SV2C: variants seen among roughly 807,000 people sequenced by gnomAD.
The protein encoded by SV2C is solute carrier family 22 member B3.
SV2C carries 49 observed loss-of-function variants against 79.7 expected under a neutral mutation model. The observed-to-expected ratio is 0.61, with a 90% CI of 0.49 to 0.78. The LOEUF (loss-of-function observed/expected upper bound fraction) is 0.78, where lower values mean the gene tolerates loss of function less well. Among genes scored for constraint, SV2C ranks in the 30% least tolerant of loss-of-function variants. The probability of loss-of-function intolerance (pLI) is 0.00; values close to 1 mark genes in which losing one functional copy is unlikely to be tolerated. For missense variants in SV2C, 833 were observed against 912.9 expected (o/e 0.91, Z 1.13); for synonymous variants, 334 against 333.2 (o/e 1.00, Z -0.03).
chr5:76,015,532 C>T, the SV2C span, among the ~76,000 whole-genome samples: 1 of 152,112 alleles, frequency 6.6e-6, no homozygotes, highest in Non-Finnish European at 1.5e-5. Context: ...GTAAACATTA[C>T]AATGGCCAAT....
intron 2 of SV2C, among the ~76,000 whole-genome samples, chr5:76,160,740 C>G (rs1415548798): frequency 2.0e-5 from 3 of 152,126 alleles, no homozygotes; most frequent in Admixed American, 1.3e-4. Flanking sequence ...AGACATTTCT[C>G]CAAGAAATAT....
intron 1 of SV2C, among the ~76,000 whole-genome samples, chr5:76,087,970 G>C (rs1207845955): frequency 6.6e-6 from 1 of 152,208 alleles, no homozygotes; most frequent in Non-Finnish European, 1.5e-5. Flanking sequence ...TGTAATGACA[G>C]GTTAGTTGAG....
At chr5:75,884,624 A>G in the SV2C span, among the ~76,000 whole-genome samples, 2 of 152,220 alleles carry the variant, frequency 1.3e-5, no homozygotes, top group South Asian at 2.1e-4. Context: ...AACTTAAAAA[A>G]CATATTGTAC....
chr5:76,248,073 C>T (rs961561021), intron 4 of SV2C, among the ~76,000 whole-genome samples: 1 of 152,114 alleles, frequency 6.6e-6, no homozygotes, highest in Admixed American at 6.6e-5. Context: ...TCCTATTTGC[C>T]ATTAAAATGC....
chr5:76,321,193 A>G (rs1748815703), intron 12 of SV2C, among the ~76,000 whole-genome samples: 1 of 152,200 alleles, frequency 6.6e-6, no homozygotes, highest in South Asian at 2.1e-4. Context: ...AGTAGTTATG[A>G]CTTGTCAAAG....
At chr5:76,212,096 G>T (rs1258194338) in intron 4 of SV2C, among the ~76,000 whole-genome samples, 1 of 143,572 alleles carries the variant, frequency 7.0e-6, no homozygotes, top group Non-Finnish European at 1.6e-5. Context: ...AGGAATTCAA[G>T]ATTTTTTTTT....
At chr5:76,258,191 C>T (rs1210338339) in intron 4 of SV2C, among the ~76,000 whole-genome samples, 1 of 151,572 alleles carries the variant, frequency 6.6e-6, no homozygotes, top group Admixed American at 6.6e-5. Flanking sequence ...ACTCTTTCGA[C>T]CACAAAGGTC....
chr5:75,968,303 G>A, the SV2C span, among the ~76,000 whole-genome samples: 2 of 152,174 alleles, frequency 1.3e-5, no homozygotes, highest in African/African-American at 2.4e-5. Context: ...CTCCTCACCA[G>A]CAACTGAACA....
the SV2C span, among the ~76,000 whole-genome samples, chr5:76,024,280 C>G: frequency 2.0e-5 from 3 of 152,096 alleles, no homozygotes; most frequent in Non-Finnish European, 4.4e-5. Flanking sequence ...AGAAAGTATC[C>G]CTGCACTCTA....
chr5:76,317,837 A>G (rs1476953135), intron 12 of SV2C, among the ~76,000 whole-genome samples: 2 of 152,144 alleles, frequency 1.3e-5, no homozygotes, highest in Middle Eastern at 3.2e-3. Context: ...TCAAAAATGT[A>G]GCACTTAATT....
At chr5:76,339,457 A>G (rs186175339) in intron 12 of SV2C, among the ~76,000 whole-genome samples, 159 of 152,198 alleles carry the variant, frequency 1.0e-3, no homozygotes, top group Middle Eastern at 3.4e-3. Context: ...GCTCACGCCT[A>G]TAATCCCAGC....
chr5:75,946,673 G>A, the SV2C span, among the ~76,000 whole-genome samples: 7 of 151,984 alleles, frequency 4.6e-5, no homozygotes, highest in African/African-American at 1.7e-4. Flanking sequence ...AGGTAGACTC[G>A]AAGGCTACCT....
chr5:76,237,584 G>A (rs1296713117), intron 4 of SV2C, among the ~76,000 whole-genome samples: 2 of 152,048 alleles, frequency 1.3e-5, no homozygotes, highest in East Asian at 3.9e-4. Context: ...ATAATCTTTG[G>A]CAATTTCTAT....
intron 12 of SV2C, among the ~76,000 whole-genome samples, chr5:76,349,787 G>A (rs1294890562): frequency 6.6e-6 from 1 of 151,072 alleles, no homozygotes; most frequent in Non-Finnish European, 1.5e-5. Context: ...CTCCCACCTT[G>A]GCCTCCCAAA....
At chr5:75,934,884 A>T in the SV2C span, among the ~76,000 whole-genome samples, 85,787 of 146,696 alleles carry the variant, frequency 0.58, 26,327 homozygotes, top group African/African-American at 0.79. Context: ...AGCAAAGTTA[A>T]CTTTTTTTTT....
At chr5:76,260,960 T>A (rs1353486635) in intron 4 of SV2C, among the ~76,000 whole-genome samples, 1 of 41,510 alleles carries the variant, frequency 2.4e-5, no homozygotes, top group Admixed American at 1.7e-4. Flanking sequence ...TTCAAGTAGT[T>A]TTTTTCTAGT....
the SV2C span, among the ~76,000 whole-genome samples, chr5:76,019,361 G>A: frequency 1.3e-5 from 2 of 152,138 alleles, no homozygotes; most frequent in Non-Finnish European, 2.9e-5. Flanking sequence ...AATGGAATTT[G>A]AGAAATGGAG....
intron 2 of SV2C, among the ~76,000 whole-genome samples, chr5:76,179,627 G>A (rs113324294): frequency 3.3e-5 from 5 of 152,186 alleles, no homozygotes; most frequent in Non-Finnish European, 7.3e-5. Flanking sequence ...GTTTGGGATC[G>A]AGGAGCCCTC....
intron 4 of SV2C, among the ~76,000 whole-genome samples, chr5:76,277,736 T>A (rs1747065118): frequency 6.7e-6 from 1 of 149,168 alleles, no homozygotes; most frequent in African/African-American, 2.5e-5. Flanking sequence ...CCAGCCTGGG[T>A]GACCTAGGAG....
Sources: allele counts gnomAD v4.1 joint callset (sites outside exome capture counted in the v4.1 genomes callset), GRCh38; gene constraint gnomAD v4.1.1; transcripts MANE v1.5; gene names NCBI Gene and HGNC (gene_info 2026-07-23, HGNC 2026-07-21).